Variants in MYO5B observed in about 807,000 individuals in gnomAD.
MYO5B encodes unconventional myosin-Vb.
A neutral mutation model predicts 229.3 loss-of-function variants in MYO5B; 143 were observed. The observed-to-expected ratio is 0.62, with a 90% CI of 0.54 to 0.72. The LOEUF (loss-of-function observed/expected upper bound fraction) is 0.72, where lower values mean the gene tolerates loss of function less well. Ranked by LOEUF, MYO5B falls within the 30% of genes least tolerant of loss-of-function variation. The pLI, the probability that MYO5B is intolerant of heterozygous loss-of-function variation, is 0.00. For synonymous variants in MYO5B, 918 were observed against 885.2 expected (o/e 1.04, Z -0.66); for missense variants, 2,321 against 2,331.0 (o/e 1.00, Z 0.09).
intron 35 of MYO5B, among the ~76,000 whole-genome samples, chr18:49,840,899 A>G (rs1435734742): frequency 6.6e-6 from 1 of 152,208 alleles, no homozygotes; most frequent in Non-Finnish European, 1.5e-5. Flanking sequence ...GCACACACGT[A>G]GTTCTGATTA....
intron 17 of MYO5B, among the ~76,000 whole-genome samples, chr18:49,920,094 AAAATCCAAACTAGGC>A (rs2144177636): frequency 6.6e-6 from 1 of 152,358 alleles, no homozygotes; most frequent in South Asian, 2.1e-4. Context: ...ATTTATATGA[AAAATCCAAACTAGGC>A]AAATCTATAG....
At chr18:49,964,241 A>C (rs2025596450) in intron 10 of MYO5B, among the ~76,000 whole-genome samples, 1 of 152,220 alleles carries the variant, frequency 6.6e-6, no homozygotes, top group African/African-American at 2.4e-5. Flanking sequence ...ACAATGTACG[A>C]AAGTGTCTTG....
intron 32 of MYO5B, among the ~76,000 whole-genome samples, chr18:49,848,148 T>C (rs915355112): frequency 3.9e-5 from 6 of 152,208 alleles, no homozygotes; most frequent in African/African-American, 1.4e-4. Flanking sequence ...AATCTGTCCC[T>C]GGCCAGTCGA....
intron 12 of MYO5B, among the ~76,000 whole-genome samples, chr18:49,961,892 C>T (rs898518116): frequency 5.9e-5 from 9 of 152,160 alleles, no homozygotes; most frequent in Non-Finnish European, 1.0e-4. Flanking sequence ...AGCCATCTGA[C>T]GTGGCATTAG....
chr18:50,119,854 G>T (rs1244731817), intron 1 of MYO5B, among the ~76,000 whole-genome samples: 1 of 152,176 alleles, frequency 6.6e-6, no homozygotes, highest in Non-Finnish European at 1.5e-5. Flanking sequence ...AAATTAGTTT[G>T]CTGTGATACC....
At chr18:49,843,418 G>A (rs761883252) in intron 33 of MYO5B, 26 bp from the exon 34 acceptor site, 6 of 1,613,726 alleles carry the variant, frequency 3.7e-6, no homozygotes, top group Non-Finnish European at 5.1e-6. Context: ...GCAGCAAATG[G>A]CAAGTTAGAT....
intron 1 of MYO5B, among the ~76,000 whole-genome samples, chr18:50,069,368 C>G (rs2030898275): frequency 6.6e-6 from 1 of 152,126 alleles, no homozygotes; most frequent in Non-Finnish European, 1.5e-5. Flanking sequence ...GACAGAGTTC[C>G]ACCACTCACG....
At chr18:50,187,437 A>G (rs2033163416) in intron 1 of MYO5B, among the ~76,000 whole-genome samples, 1 of 152,098 alleles carries the variant, frequency 6.6e-6, no homozygotes. Flanking sequence ...CTTGCCCAAA[A>G]GTCACAACCT....
chr18:49,936,415 T>C (rs1266318535), intron 15 of MYO5B, 66 bp from the exon 16 acceptor site: 2 of 1,133,298 alleles, frequency 1.8e-6, no homozygotes, highest in Non-Finnish European at 2.6e-6. Context: ...AAAGAAAAAC[T>C]CATATATGGG....
In MYO5B at chr18:49,869,194, C is replaced by G. The variant is rs142275152; in HGVS notation, c.3603+2973G>C. Among the ~76,000 whole-genome samples the G allele has an allele frequency of 9.8e-5, 15 of 152,308 alleles. No homozygotes were observed. The East Asian group carries it at 2.7e-3, about 27-fold the overall frequency. The stretch of plus-strand genomic sequence containing the variant: ...ATCCCTTTGCACACTTCAGAGCATT[C>G]AGGAGGGATGTGCACAGCGGGAGCT... On this transcript the variant is annotated intron_variant, in intron 27 of 39. Transcript: ENST00000285039.
At chr18:50,153,518 T>A (rs1372937441) in intron 1 of MYO5B, among the ~76,000 whole-genome samples, 6 of 152,156 alleles carry the variant, frequency 3.9e-5, no homozygotes, top group African/African-American at 1.4e-4. Context: ...TGGCACGATA[T>A]CGGTTCACTG....
chr18:49,922,944 T>C lies in MYO5B; in HGVS notation c.2090+6568A>G, dbSNP rs201627262. ...ATTCGCAGCAAGGTGGAATGAACAG[T>C]AGGAGAATCCATTTTCCACGTGGGT... is the stretch of plus-strand genomic sequence containing the variant. On this transcript the variant is annotated intron_variant, in intron 17 of 39. Transcript: ENST00000285039. Among the ~76,000 whole-genome samples, 12 of 152,272 alleles carry C rather than the reference T, an allele frequency of 7.9e-5. No homozygotes were observed. In the East Asian group the frequency reaches 1.2e-3, roughly 15 times the overall value.
intron 21 of MYO5B, among the ~76,000 whole-genome samples, chr18:49,901,860 T>C (rs2024845265): frequency 6.6e-6 from 1 of 152,128 alleles, no homozygotes; most frequent in Non-Finnish European, 1.5e-5. Flanking sequence ...TGTCTTCAAT[T>C]GTACAAAAAG....
intron 31 of MYO5B, 46 bp from the exon 32 acceptor site, chr18:49,849,706 G>T: frequency 6.9e-7 from 1 of 1,452,550 alleles, no homozygotes; most frequent in African/African-American, 1.4e-5. Context: ...AGCCCGGCCT[G>T]GGATGGTGGG....
chr18:50,024,911 A>C (rs995090435), intron 4 of MYO5B, among the ~76,000 whole-genome samples: 2 of 152,212 alleles, frequency 1.3e-5, no homozygotes, highest in Non-Finnish European at 2.9e-5. Context: ...AACACTGTTC[A>C]TTATCATACT....
intron 1 of MYO5B, among the ~76,000 whole-genome samples, chr18:50,186,433 A>C (rs2033150389): frequency 1.3e-5 from 2 of 152,342 alleles, no homozygotes; most frequent in South Asian, 4.1e-4. Flanking sequence ...AGAGACCAGA[A>C]AGCACAGGTT....
intron 1 of MYO5B, among the ~76,000 whole-genome samples, chr18:50,076,928 CAAA>C (rs35236740): frequency 0.11 from 16,080 of 148,692 alleles, 1,681 homozygotes; most frequent in African/African-American, 0.28. Context: ...ACTGATGTTG[CAAA>C]AAAAAAAAAA....
chr18:49,834,142 A>C (rs1183899129), intron 39 of MYO5B, among the ~76,000 whole-genome samples: 1 of 152,022 alleles, frequency 6.6e-6, no homozygotes, highest in Non-Finnish European at 1.5e-5. Context: ...CTGGATCTAC[A>C]TTGAAACACT....
chr18:50,189,634 C>T (rs147152745), intron 1 of MYO5B, among the ~76,000 whole-genome samples: 1 of 152,312 alleles, frequency 6.6e-6, no homozygotes, highest in African/African-American at 2.4e-5. Flanking sequence ...GGAGCACTAA[C>T]AGCATCTGCT....
Sources: gnomAD v4.1 joint callset for allele counts (sites outside exome capture counted in the v4.1 genomes callset) on GRCh38, gnomAD v4.1.1 for gene constraint, MANE v1.5 for transcripts, NCBI Gene and HGNC (gene_info 2026-07-23, HGNC 2026-07-21) for gene names.